ASXL2: variants seen among roughly 807,000 people sequenced by gnomAD.
ASXL2 encodes the protein putative Polycomb group protein ASXL2.
Under a neutral mutation model 122.0 loss-of-function variants are expected in ASXL2, and 23 were observed. That is an observed-to-expected ratio of 0.19 (90% CI 0.14 to 0.27). The LOEUF (loss-of-function observed/expected upper bound fraction) is 0.27, where lower values mean the gene tolerates loss of function less well. ASXL2 is among the 10% of genes least tolerant of loss of function. The pLI, the probability that ASXL2 is intolerant of heterozygous loss-of-function variation, is 1.00. For missense variants in ASXL2, 1,518 were observed against 1,713.8 expected (o/e 0.89, Z 2.02); for synonymous variants, 650 against 637.0 (o/e 1.02, Z -0.31).
intron 3 of ASXL2, among the ~76,000 whole-genome samples, chr2:25,807,986 T>TACACACACACACAC (rs147273836): frequency 0.087 from 11,355 of 131,200 alleles, 530 homozygotes; most frequent in Non-Finnish European, 0.12. Context: ...AATCAGCTTT[T>TACACACACACACAC]ACACACACAC....
intron 2 of ASXL2, among the ~76,000 whole-genome samples, chr2:25,841,471 C>G (rs763132458): frequency 1.4e-4 from 22 of 152,096 alleles, no homozygotes; most frequent in Non-Finnish European, 3.2e-4. Context: ...GCCTCTGGAG[C>G]TACCTTAACG....
chr2:25,809,908 G>A, intron 3 of ASXL2: 2 of 512,622 alleles, frequency 3.9e-6, no homozygotes, highest in South Asian at 2.9e-5. Context: ...GCAGCAGCAG[G>A]GTGAGACTGA....
intron 5 of ASXL2, among the ~76,000 whole-genome samples, chr2:25,777,767 T>C (rs899960150): frequency 6.6e-6 from 1 of 152,164 alleles, no homozygotes; most frequent in African/African-American, 2.4e-5. Context: ...CAGGAGTTCA[T>C]TGAACTCTCA....
chr2:25,841,093 T>G, intron 2 of ASXL2, among the ~76,000 whole-genome samples: 1 of 148,472 alleles, frequency 6.7e-6, no homozygotes, highest in African/African-American at 2.6e-5. Context: ...AGTCCAAGAG[T>G]TTGAGACCGG....
At chr2:25,841,470 G>A (rs2089577413) in intron 2 of ASXL2, among the ~76,000 whole-genome samples, 1 of 152,042 alleles carries the variant, frequency 6.6e-6, no homozygotes. Context: ...TGCCTCTGGA[G>A]CTACCTTAAC....
chr2:25,806,206 T>C (rs780757709), intron 4 of ASXL2, 23 bp downstream of exon 4: 11 of 1,492,060 alleles, frequency 7.4e-6, no homozygotes, highest in Non-Finnish European at 1.0e-5. Context: ...TCTTTCTAAA[T>C]GACTCCCCAA....
chr2:25,866,156 G>A (rs1437015842), intron 1 of ASXL2, among the ~76,000 whole-genome samples: 1 of 149,738 alleles, frequency 6.7e-6, no homozygotes, highest in African/African-American at 2.5e-5. Flanking sequence ...TTTTGAGGTG[G>A]AGTCTCGCTC....
chr2:25,736,173 T>C lies in ASXL2; in HGVS notation c.*5856A>G, dbSNP rs1272207216. 6.6e-6 allele frequency: 1 copy of C among 152,208 alleles called. No homozygotes were observed. The highest frequency in any genetic ancestry group is 1.5e-5 in the Non-Finnish European group (1 of 68,036). The allele number at this position is 152,208 out of a possible 1,614,324, so 9.4% of individuals were successfully genotyped here. A position where few individuals can be genotyped will look rare whatever the true frequency, so the allele number is the denominator to read the frequency against. Reference sequence around the variant, plus strand: ...TGAGGTCAAGTAGTCTCAGAAGCAATGAACACGGGTTTCTGACTCAGTGAA... The same window carrying C: ...TGAGGTCAAGTAGTCTCAGAAGCAACGAACACGGGTTTCTGACTCAGTGAA... On this transcript the variant is annotated 3_prime_UTR_variant, in exon 13 of 13. Coordinates refer to ENST00000435504, the MANE Select transcript of ASXL2 (RefSeq NM_018263.6).
chr2:25,850,032 T>C (rs976101912), intron 1 of ASXL2, among the ~76,000 whole-genome samples: 4 of 152,134 alleles, frequency 2.6e-5, no homozygotes, highest in Non-Finnish European at 4.4e-5. Flanking sequence ...CACATACCCA[T>C]CACCCATTTT....
At chr2:25,779,236 A>G (rs1302468350) in intron 5 of ASXL2, among the ~76,000 whole-genome samples, 4 of 151,642 alleles carry the variant, frequency 2.6e-5, no homozygotes, top group Admixed American at 2.0e-4. Flanking sequence ...ATCTGGGATT[A>G]CAGGCGCCCA....
Position 25,735,984 on chromosome 2 carries a change from T to A in ASXL2, c.*6045A>T, listed in dbSNP as rs1008036634. 2 of 152,228 alleles carry A rather than the reference T, an allele frequency of 1.3e-5. No homozygotes were observed. The highest frequency in any genetic ancestry group is 4.8e-5 in the African/African-American group (2 of 41,468). 9.4% of individuals were successfully genotyped at this position (152,228 alleles called of 1,614,324 possible). On this transcript the variant is annotated 3_prime_UTR_variant, in exon 13 of 13. Transcript: ENST00000435504. Reference sequence around the variant, plus strand: ...CTAGAACTAAAAACATGCTGTATAGTCACTACTTTAGGAAAACCTTTCTGC... The same window carrying A: ...CTAGAACTAAAAACATGCTGTATAGACACTACTTTAGGAAAACCTTTCTGC...
intron 1 of ASXL2, among the ~76,000 whole-genome samples, chr2:25,871,667 C>T (rs1361318994): frequency 6.6e-6 from 1 of 152,232 alleles, no homozygotes; most frequent in Non-Finnish European, 1.5e-5. Flanking sequence ...TCTCGGCTCA[C>T]CGCAACCTCC....
chr2:25,794,147 A>G (rs2088878724), intron 5 of ASXL2, among the ~76,000 whole-genome samples: 1 of 152,234 alleles, frequency 6.6e-6, no homozygotes, highest in Non-Finnish European at 1.5e-5. Flanking sequence ...CTCCAGACAC[A>G]ATATATATCA....
At chr2:25,769,726 C>T (rs2088414269) in intron 6 of ASXL2, among the ~76,000 whole-genome samples, 1 of 151,334 alleles carries the variant, frequency 6.6e-6, no homozygotes. Context: ...TGAAGTTTGA[C>T]TTTGCTAGGT....
At chr2:25,765,180 G>A (rs917657454) in intron 8 of ASXL2, among the ~76,000 whole-genome samples, 2 of 152,164 alleles carry the variant, frequency 1.3e-5, no homozygotes, top group Non-Finnish European at 1.5e-5. Flanking sequence ...CTTCTTCCAC[G>A]TGTTTTGAAA....
chr2:25,742,272 A>C lies in ASXL2; in HGVS notation c.4065T>G (p.Gly1355=), dbSNP rs369921227. 1.2e-6 allele frequency: 2 copies of C among 1,613,958 alleles called. No homozygotes were observed. Among genetic ancestry groups the C allele is most frequent in the Non-Finnish European group, 1.7e-6 (2 of 1,179,892 alleles). The change falls in exon 13 of 13, where the codon GGT becomes GGG. Residue 1355 remains glycine, a synonymous_variant. Transcript: ENST00000435504. The part of the protein sequence containing the change: ...VPGSQVSSNV[G]DVMSFSVTVT... ...CAGTCACTGAAAATGACATGACATC[A>C]CCTACATTGCTAGATACCTGGCTAC...
At chr2:25,769,736 T>G (rs2088414618) in intron 6 of ASXL2, among the ~76,000 whole-genome samples, 1 of 151,944 alleles carries the variant, frequency 6.6e-6, no homozygotes, top group African/African-American at 2.4e-5. Flanking sequence ...CTTTGCTAGG[T>G]TGCCATTTTC....
In ASXL2 at chr2:25,749,771, C is replaced by A; in HGVS notation, c.1785G>T (p.Gln595His). Reference sequence around the variant, plus strand: ...AGGGCTGTGGTGAGACCTGAAATGGCTGCTGGTGCTGGCGATTCTCAGTGA... The same window carrying A: ...AGGGCTGTGGTGAGACCTGAAATGGATGCTGGTGCTGGCGATTCTCAGTGA... ...PRVTENRQHQ[Q>H]PFQVSPQPFL... The change falls in exon 12 of 13, where the codon CAG becomes CAT. Residue 595 changes from glutamine to histidine, a missense_variant. Physicochemically the swap from Gln to His is conservative, Grantham distance 24. This residue lies in a region of ASXL2 where 292 missense variants were observed against 293.5 expected (regional missense o/e 1.00). Coordinates refer to ENST00000435504, the MANE Select transcript of ASXL2 (RefSeq NM_018263.6). 1 of 1,597,366 alleles carries A rather than the reference C, an allele frequency of 6.3e-7. No individual in the cohort carries two copies.
intron 3 of ASXL2, among the ~76,000 whole-genome samples, chr2:25,829,624 T>C (rs1056965674): frequency 2.0e-5 from 3 of 152,190 alleles, no homozygotes; most frequent in African/African-American, 4.8e-5. Context: ...ATTCAGAGTT[T>C]TGAAGTAGTT....
Sources: allele counts gnomAD v4.1 joint callset (sites outside exome capture counted in the v4.1 genomes callset), GRCh38; gene constraint gnomAD v4.1.1; regional missense constraint gnomAD v4.1.1; transcripts MANE v1.5; gene names NCBI Gene and HGNC (gene_info 2026-07-23, HGNC 2026-07-21).